NUMBL: variants seen among roughly 807,000 people sequenced by gnomAD.
NUMBL encodes the protein numb-like protein.
In NUMBL, 20 loss-of-function variants were observed where a neutral mutation model predicts 48.9. The observed-to-expected ratio is 0.41, with a 90% CI of 0.29 to 0.59. NUMBL has a LOEUF of 0.59. Ranked by LOEUF, NUMBL falls within the 20% of genes least tolerant of loss-of-function variation. NUMBL has a pLI of 0.31. For synonymous variants in NUMBL, 340 were observed against 348.7 expected (o/e 0.98, Z 0.28); for missense variants, 660 against 846.2 (o/e 0.78, Z 2.73).
chr19:40,685,233 A>G (rs965222575), intron 2 of NUMBL: 1 of 154,534 alleles, frequency 6.5e-6, no homozygotes, highest in African/African-American at 2.4e-5. Flanking sequence ...GTGGCCAGCC[A>G]CTAGGACAGT....
At chr19:40,683,007 C>G in intron 3 of NUMBL, 39 bp from the exon 4 acceptor site, 1 of 1,551,850 alleles carries the variant, frequency 6.4e-7, no homozygotes, top group Non-Finnish European at 8.9e-7. Flanking sequence ...CATGAAACAG[C>G]ACAGTAATCA....
In NUMBL at chr19:40,686,941, CCGGGGCCCCACAGGGGGCTG is replaced by C; in HGVS notation, c.59_78del (p.Pro20ArgfsTer74). The C allele has an allele frequency of 6.5e-7, 1 of 1,546,760 alleles. No homozygotes were observed. ...TCCGTCCTGCAGGTTTCTGGGGGCC[CCGGGGCCCCACAGGGGGCTG>C]GGGGCAGGTGCCGCTCAGGCCTCCG... On this transcript the variant is annotated frameshift_variant, in exon 2 of 10. Transcript: ENST00000252891. LOFTEE classifies it high-confidence loss of function.
chr19:40,683,059 A>G lies in NUMBL; in HGVS notation c.250-91T>C, dbSNP rs1330796633. On this transcript the variant is annotated intron_variant, in intron 3 of 9. Transcript: ENST00000252891. The stretch of plus-strand genomic sequence containing the variant: ...ACTGAGCATCTGCCATGCAGTAGAC[A>G]ATATTTTAAGCACATGATGTGTATG... 3.5e-6 allele frequency: 4 copies of G among 1,130,878 alleles called. No individual in the cohort carries two copies. The African/African-American group carries it at 6.1e-5, about 17-fold the overall frequency. 70.1% of individuals were successfully genotyped at this position (1,130,878 alleles called of 1,614,324 possible).
In NUMBL at chr19:40,669,783, T is replaced by C. The variant is rs879253232; in HGVS notation, c.1159+115A>G. ...GATCCCCTGGCTCTGAGGTGATCCA[T>C]GGTTCTAAGCCTGTAGGATCCCAAG... On this transcript the variant is annotated intron_variant, in intron 9 of 9. Coordinates refer to ENST00000252891, the MANE Select transcript of NUMBL (RefSeq NM_004756.5). The C allele has an allele frequency of 5.1e-6, 7 of 1,360,146 alleles. No homozygotes were observed. In the South Asian group the frequency reaches 5.8e-5, roughly 11 times the overall value. The allele number at this position is 1,360,146 out of a possible 1,614,324, so 84.3% of individuals were successfully genotyped here.
In NUMBL at chr19:40,682,151, A is replaced by G. The variant is rs2081908442; in HGVS notation, c.399+577T>C. Among the ~76,000 whole-genome samples the G allele has an allele frequency of 6.6e-6, 1 of 151,540 alleles. No individual in the cohort carries two copies. Among genetic ancestry groups the G allele is most frequent in the Non-Finnish European group, 1.5e-5 (1 of 67,884 alleles). On this transcript the variant is annotated intron_variant, in intron 5 of 9. Coordinates refer to ENST00000252891, the MANE Select transcript of NUMBL (RefSeq NM_004756.5). This position sits in a 1 kb window ranked among gnomAD's most constrained non-coding sequence, Gnocchi z 4.0. Reference sequence around the variant, plus strand: ...TATAATCCCTGTTTTTCTGCGATGGAGTTTAGCTCTTGTTGCCCAGGCTGG... The same window carrying G: ...TATAATCCCTGTTTTTCTGCGATGGGGTTTAGCTCTTGTTGCCCAGGCTGG...
intron 8 of NUMBL, 50 bp from the exon 9 acceptor site, chr19:40,670,070 G>T: frequency 6.3e-7 from 1 of 1,590,682 alleles, no homozygotes. Context: ...AGACCCTGCC[G>T]CAGCCCCGCC....
In NUMBL at chr19:40,682,788, G is replaced by A. The variant is rs376443919; in HGVS notation, c.339C>T (p.Ser113=). The part of the protein sequence containing the change: ...VKKLKAMGRK[S]VKSVLWVSAD... ...CTGACACCCACAGGACAGACTTCACGGACTTTCGGCCCATCTGGAGGGAGG... is the reference window on the plus strand; with the variant it reads ...CTGACACCCACAGGACAGACTTCACAGACTTTCGGCCCATCTGGAGGGAGG... Residue 113 remains serine (S), a synonymous_variant, in exon 5 of 10, where the codon TCC becomes TCT. Coordinates refer to ENST00000252891, the MANE Select transcript of NUMBL (RefSeq NM_004756.5). The surrounding 1 kb of genome is among the most constrained non-coding windows in gnomAD (Gnocchi z 4.0). 30 of 1,614,034 alleles carry A rather than the reference G, an allele frequency of 1.9e-5. No homozygotes were observed. In the East Asian group the frequency reaches 3.8e-4, roughly 20 times the overall value.
rs1477772769 is a variant in NUMBL at position 40,686,900 on chromosome 19, T to C, written c.109+11A>G. 1 of 1,527,296 alleles carries C rather than the reference T, an allele frequency of 6.5e-7. No homozygotes were observed. The highest frequency in any genetic ancestry group is 2.5e-5 in the East Asian group (1 of 40,734). The allele number at this position is 1,527,296 out of a possible 1,614,324, so 94.6% of individuals were successfully genotyped here. A position where few individuals can be genotyped will look rare whatever the true frequency, so the allele number is the denominator to read the frequency against. On this transcript the variant is annotated intron_variant, in intron 2 of 9. Coordinates refer to ENST00000252891, the MANE Select transcript of NUMBL (RefSeq NM_004756.5). ...CATTCAGCCCTGCCCTGTCCCAGGC[T>C]GGTCGCTCACCTGGCTCCGTCCTGC...
In NUMBL at chr19:40,667,324, T is replaced by G; in HGVS notation, c.*144A>C. ...GGGCGTCACAATGTTGGTTCTGTAG[T>G]GGTTGTCGGGGTGGTTGAGGGAGGG... On this transcript the variant is annotated 3_prime_UTR_variant, in exon 10 of 10. Coordinates refer to ENST00000252891, the MANE Select transcript of NUMBL (RefSeq NM_004756.5). This position sits in a 1 kb window ranked among gnomAD's most constrained non-coding sequence, Gnocchi z 6.1. 1 of 1,167,838 alleles carries G rather than the reference T, an allele frequency of 8.6e-7. No individual in the cohort carries two copies. Among genetic ancestry groups the G allele is most frequent in the Non-Finnish European group, 1.2e-6 (1 of 849,074 alleles). The allele number at this position is 1,167,838 out of a possible 1,614,324, so 72.3% of individuals were successfully genotyped here.
rs772350956 is a variant in NUMBL at position 40,682,796 on chromosome 19, G to T, written c.331C>A (p.Arg111=). 1 of 1,614,088 alleles carries T rather than the reference G, an allele frequency of 6.2e-7. No homozygotes were observed. Among genetic ancestry groups the T allele is most frequent in the South Asian group, 1.1e-5 (1 of 91,082 alleles). Residue 111 remains arginine (R), a synonymous_variant, in exon 5 of 10, where the codon CGA becomes AGA. Coordinates refer to ENST00000252891, the MANE Select transcript of NUMBL (RefSeq NM_004756.5). The surrounding 1 kb of genome is among the most constrained non-coding windows in gnomAD (Gnocchi z 4.0). ...CACAGGACAGACTTCACGGACTTTC[G>T]GCCCATCTGGAGGGAGGCAAGGGGA... ...DAVKKLKAMG[R]KSVKSVLWVS...
At chr19:40,671,758 G>A (rs1302387064) in intron 8 of NUMBL, among the ~76,000 whole-genome samples, 1 of 152,220 alleles carries the variant, frequency 6.6e-6, no homozygotes, top group Non-Finnish European at 1.5e-5. Context: ...GAGCAAGAGA[G>A]TGGGCCAGAC....
intron 3 of NUMBL, 21 bp downstream of exon 3, chr19:40,684,396 C>T (rs2081922803): frequency 2.6e-6 from 4 of 1,545,286 alleles, no homozygotes; most frequent in African/African-American, 2.7e-5. Context: ...CGCCCCGCCG[C>T]ACCCTGCCGC....
At chr19:40,689,594 G>A (rs1339399628) in intron 1 of NUMBL, 1 of 152,684 alleles carries the variant, frequency 6.5e-6, no homozygotes, top group African/African-American at 2.4e-5. Flanking sequence ...CGTCACCGCA[G>A]ACACTGCAGA....
In NUMBL at chr19:40,673,659, T is replaced by G; in HGVS notation, c.731-10A>C. 6.8e-7 allele frequency: 1 copy of G among 1,465,696 alleles called. No homozygotes were observed. The highest frequency in any genetic ancestry group is 1.4e-5 in the South Asian group (1 of 72,266). 90.8% of individuals were successfully genotyped at this position (1,465,696 alleles called of 1,614,324 possible). A position where few individuals can be genotyped will look rare whatever the true frequency, so the allele number is the denominator to read the frequency against. ...GCAGCTGCTGCCTCTGCTGGAGACATGGGGGAGATGGATGGTTAGATATCT... is the reference window on the plus strand; with the variant it reads ...GCAGCTGCTGCCTCTGCTGGAGACAGGGGGGAGATGGATGGTTAGATATCT... On this transcript the variant is annotated splice_polypyrimidine_tract_variant and intron_variant, in intron 7 of 9. Transcript: ENST00000252891. The surrounding 1 kb of genome is among the most constrained non-coding windows in gnomAD (Gnocchi z 5.9).
At position 40,673,256 on chromosome 19, in the gene NUMBL, A is replaced by T. The variant is rs1480287117; in HGVS notation, c.1036+88T>A. On this transcript the variant is annotated intron_variant, in intron 8 of 9. Coordinates refer to ENST00000252891, the MANE Select transcript of NUMBL (RefSeq NM_004756.5). This position sits in a 1 kb window ranked among gnomAD's most constrained non-coding sequence, Gnocchi z 5.9. ...ATGGCAGACAGTGCAAATCAATCACAGTGTGAACCATCTCGCCTCCATCCC... is the reference window on the plus strand; with the variant it reads ...ATGGCAGACAGTGCAAATCAATCACTGTGTGAACCATCTCGCCTCCATCCC... The T allele has an allele frequency of 2.3e-6, 3 of 1,320,634 alleles. No individual in the cohort carries two copies. Among genetic ancestry groups the T allele is most frequent in the Non-Finnish European group, 2.0e-6 (2 of 976,440 alleles). The allele number at this position is 1,320,634 out of a possible 1,614,324, so 81.8% of individuals were successfully genotyped here.
intron 8 of NUMBL, among the ~76,000 whole-genome samples, chr19:40,671,592 G>A (rs889754179): frequency 6.6e-6 from 1 of 152,202 alleles, no homozygotes; most frequent in African/African-American, 2.4e-5. Flanking sequence ...CAGGAATGCT[G>A]CAGGCATGGA....
chr19:40,678,238 C>A (rs2144658212), intron 6 of NUMBL, among the ~76,000 whole-genome samples: 1 of 152,298 alleles, frequency 6.6e-6, no homozygotes. Flanking sequence ...CCTCAGCTCA[C>A]TGCAACCTCC....
chr19:40,669,848 A>G (rs768484728), intron 9 of NUMBL, 50 bp downstream of exon 9: 10 of 1,594,880 alleles, frequency 6.3e-6, no homozygotes, highest in Non-Finnish European at 8.5e-6. Context: ...AGAGGAGGGG[A>G]TACAGGAGGG....
At position 40,680,965 on chromosome 19, in the gene NUMBL, C is replaced by A. The variant is rs781186421; in HGVS notation, c.492G>T (p.Gly164=). ...DKAFSYICRD[G]TTRRWICHCF... ...AGTGGCAGATCCAGCGGCGGGTAGT[C>A]CCGTCACGACAGATATAGGAGAAAG... The change falls in exon 6 of 10, where the codon GGG becomes GGT. Residue 164 remains glycine (G), a synonymous_variant. Coordinates refer to ENST00000252891, the MANE Select transcript of NUMBL (RefSeq NM_004756.5). The A allele has an allele frequency of 3.1e-6, 5 of 1,614,010 alleles. No individual in the cohort carries two copies. The East Asian group carries it at 8.9e-5, about 29-fold the overall frequency.
Sources: allele counts gnomAD v4.1 joint callset (sites outside exome capture counted in the v4.1 genomes callset), GRCh38; gene constraint gnomAD v4.1.1; non-coding constraint Gnocchi (gnomAD v3.1); transcripts MANE v1.5; gene names NCBI Gene and HGNC (gene_info 2026-07-23, HGNC 2026-07-21).